The following NMUR1 variants were observed in gnomAD, a reference collection of about 807,000 sequenced individuals.
The protein encoded by NMUR1 is neuromedin U receptor 1.
In NMUR1, 16 loss-of-function variants were observed where a neutral mutation model predicts 18.8. That is an observed-to-expected ratio of 0.85 (90% CI 0.58 to 1.29). NMUR1 has a LOEUF of 1.29. Among genes scored for constraint, NMUR1 ranks in the 50% most tolerant of loss-of-function variants. The pLI is 0.00. For synonymous variants in NMUR1, 258 were observed against 258.2 expected (o/e 1.00, Z 0.01); for missense variants, 529 against 580.3 (o/e 0.91, Z 0.91).
At chr2:231,521,275 G>A (rs2125659220), downstream of NMUR1, among the ~76,000 whole-genome samples, 1 of 152,358 alleles carries the variant, frequency 6.6e-6, no homozygotes, top group Non-Finnish European at 1.5e-5. Context: ...TTGAGAGGCT[G>A]AGGTGGGAGG....
chr2:231,526,831 C>A (rs565703995), intron 2 of NMUR1, among the ~76,000 whole-genome samples: 1 of 151,944 alleles, frequency 6.6e-6, no homozygotes, highest in African/African-American at 2.4e-5. Flanking sequence ...GATCTTTGAT[C>A]GGCTTAGTAT....
chr2:231,520,199 G>A (rs2047293838), downstream of NMUR1, among the ~76,000 whole-genome samples: 1 of 152,238 alleles, frequency 6.6e-6, no homozygotes, highest in Non-Finnish European at 1.5e-5. Flanking sequence ...GGTTGCAAAT[G>A]ACTCCAGCCA....
chr2:231,527,973 G>GAC (rs57357206), intron 2 of NMUR1, 150 bp downstream of exon 2: 40,407 of 566,646 alleles, frequency 0.071, 590 homozygotes, highest in African/African-American at 0.096. Flanking sequence ...GTGCAACTCA[G>GAC]ACACACACAC....
rs1392976648 is a variant in NMUR1, at chr2:231,528,356, A to G, written c.665T>C (p.Val222Ala). ...CATGTTGTAGAGGGCCCGTGGGCGG[A>G]CCAGCATGCAAACAGCTGAGTCTGG... is the stretch of plus-strand genomic sequence containing the variant. ...PVPDSAVCML[V>A]RPRALYNMVV... Residue 222 changes from valine (V) to alanine (A), a missense_variant, in exon 2 of 3, where the codon GTC becomes GCC. Coordinates refer to ENST00000305141, the MANE Select transcript of NMUR1 (RefSeq NM_006056.5). 1.2e-6 allele frequency: 2 copies of G among 1,613,688 alleles called. No individual in the cohort carries two copies. The highest frequency in any genetic ancestry group is 4.5e-5 in the East Asian group (2 of 44,892).
At chr2:231,530,282 C>T in intron 1 of NMUR1, 77 bp downstream of exon 1, 6 of 1,480,802 alleles carry the variant, frequency 4.1e-6, no homozygotes, top group South Asian at 1.2e-5. Context: ...ACCCTTCCCG[C>T]CCTAGGACGA....
rs1455919317 is a variant in NMUR1, at chr2:231,525,077, C to T, written c.1247G>A (p.Gly416Asp). The T allele has an allele frequency of 6.3e-7, 1 of 1,599,382 alleles. No individual in the cohort carries two copies. Residue 416 changes from glycine to aspartate, a missense_variant, in exon 3 of 3, where the codon GGC (glycine) becomes GAC (aspartate). Transcript: ENST00000305141. ...ATCGGTCTCTTGCTGCGCCTCTGGG[C>T]CATCGTTCCCAGCCAGGGGGTGGAC... ...SWVHPLAGND[G>D]PEAQQETDPS
At position 231,528,251 on chromosome 2, in the gene NMUR1, C is replaced by T. The variant is rs1189327099; in HGVS notation, c.770G>A (p.Arg257Gln). The T allele has an allele frequency of 2.0e-5, 32 of 1,613,824 alleles. No homozygotes were observed. The highest frequency in any genetic ancestry group is 2.4e-5 in the Non-Finnish European group (28 of 1,179,976). ...GAGCAGCAGCCTCTCCCGCCGCAGT[C>T]GCAGCCCAATGAGCAGGTAGAGCAC... ...MSVLYLLIGLRLRRERLLLMQ... is the reference protein window; with the variant it reads ...MSVLYLLIGLQLRRERLLLMQ... Residue 257 changes from arginine to glutamine, a missense_variant, in exon 2 of 3, where the codon CGA becomes CAA. Transcript: ENST00000305141.
chr2:231,526,439 C>T lies in NMUR1; in HGVS notation c.899-1014G>A, dbSNP rs570315864. Among the ~76,000 whole-genome samples the T allele has an allele frequency of 1.1e-3, 161 of 152,308 alleles. 1 individual carries two copies. The highest frequency in any genetic ancestry group is 3.8e-3 in the African/African-American group (156 of 41,566). On this transcript the variant is annotated intron_variant, in intron 2 of 2. Coordinates refer to ENST00000305141, the MANE Select transcript of NMUR1 (RefSeq NM_006056.5). ...AGAAGGCCAGCAAGCAGGAAGCCCACCTTCCAGGGGTGAGCCACCCCAGCT... is the reference window on the plus strand; with the variant it reads ...AGAAGGCCAGCAAGCAGGAAGCCCATCTTCCAGGGGTGAGCCACCCCAGCT...
chr2:231,522,917 C>T (rs567158319), downstream of NMUR1, among the ~76,000 whole-genome samples: 15 of 152,300 alleles, frequency 9.8e-5, no homozygotes, highest in South Asian at 1.5e-3. Context: ...CTTCCTCCCC[C>T]GAGCCAGGGA....
chr2:231,528,510 A>C lies in NMUR1; in HGVS notation c.511T>G (p.Ser171Ala), dbSNP rs751947113. 2 of 1,613,718 alleles carry C rather than the reference A, an allele frequency of 1.2e-6. No homozygotes were observed. ...CGCACATGGGCCCGCGTCACCATGGACCTGGCCTGGAGTGGGTGCACCACG... is the reference window on the plus strand; with the variant it reads ...CGCACATGGGCCCGCGTCACCATGGCCCTGGCCTGGAGTGGGTGCACCACG... ...VAVVHPLQAR[S>A]MVTRAHVRRV... Residue 171 changes from serine to alanine, a missense_variant, in exon 2 of 3, where the codon TCC (serine) becomes GCC (alanine). By Grantham distance (99) the Ser-to-Ala change is moderately conservative (BLOSUM62 1). Transcript: ENST00000305141.
At chr2:231,529,479 A>G (rs1181395286) in intron 1 of NMUR1, among the ~76,000 whole-genome samples, 1 of 147,264 alleles carries the variant, frequency 6.8e-6, no homozygotes, top group East Asian at 2.0e-4. Context: ...AAAAGCAAAC[A>G]ACGAAAAAGT....
rs148682499 is a variant in NMUR1 at position 231,528,568 on chromosome 2, G to A, written c.453C>T (p.Asn151=). ...FEMVCLASVL[N]VTALSVERYV... is the part of the protein sequence containing the mutation. ...AGCGTTCCACGCTCAGGGCAGTGACGTTGAGCACTGAGGCCAGGCAGACCA... is the reference window on the plus strand; with the variant it reads ...AGCGTTCCACGCTCAGGGCAGTGACATTGAGCACTGAGGCCAGGCAGACCA... The change falls in exon 2 of 3, where the codon AAC becomes AAT. Residue 151 remains asparagine (N), a synonymous_variant. Coordinates refer to ENST00000305141, the MANE Select transcript of NMUR1 (RefSeq NM_006056.5). The A allele has an allele frequency of 4.5e-5, 73 of 1,614,108 alleles. No homozygotes were observed. The African/African-American group carries it at 6.0e-4, about 13-fold the overall frequency.
rs1303295688 is a variant in NMUR1, at chr2:231,525,268, G to A, written c.1056C>T (p.Asn352=). The A allele has an allele frequency of 2.2e-5, 35 of 1,614,080 alleles. No homozygotes were observed. Among genetic ancestry groups the A allele is most frequent in the Non-Finnish European group, 2.8e-5 (33 of 1,180,052 alleles). ...GIFFYLGSAA[N]PVLYSLMSSR... ...TGGACATGAGGCTATAGAGCACGGG[G>A]TTGGCCGCCGAGCCCAGGTAGAAGA... The change falls in exon 3 of 3, where the codon AAC becomes AAT. Residue 352 remains asparagine, a synonymous_variant. Coordinates refer to ENST00000305141, the MANE Select transcript of NMUR1 (RefSeq NM_006056.5).
chr2:231,528,016 C>T, intron 2 of NMUR1, 107 bp downstream of exon 2: 1 of 1,182,436 alleles, frequency 8.5e-7, no homozygotes, highest in African/African-American at 1.5e-5. Flanking sequence ...AGAGGAGTTC[C>T]TCGTCCCCCA....
At chr2:231,521,047 A>G (rs2047300072), downstream of NMUR1, among the ~76,000 whole-genome samples, 1 of 152,176 alleles carries the variant, frequency 6.6e-6, no homozygotes, top group Non-Finnish European at 1.5e-5. Flanking sequence ...ATTGGGAGAA[A>G]GCCGTCTAGA....
chr2:231,529,945 T>C (rs187678972), intron 1 of NMUR1, among the ~76,000 whole-genome samples: 64 of 152,368 alleles, frequency 4.2e-4, no homozygotes, highest in African/African-American at 9.4e-4. Flanking sequence ...AAGTTGATTC[T>C]TTTTTCTGTT....
downstream of NMUR1, among the ~76,000 whole-genome samples, chr2:231,518,869 C>T (rs973070680): frequency 5.9e-5 from 9 of 152,162 alleles, no homozygotes; most frequent in Admixed American, 3.3e-4. Context: ...CCTTTAGGCT[C>T]TCCACCTCCT....
chr2:231,521,973 CTTTTTTT>C (rs10625236), downstream of NMUR1, among the ~76,000 whole-genome samples: 6 of 83,828 alleles, frequency 7.2e-5, no homozygotes, highest in African/African-American at 1.9e-4. Context: ...TTTTTTTTCT[CTTTTTTT>C]TTTTTTTTTT....
Position 231,528,111 on chromosome 2 carries a change from C to A in NMUR1, c.898+12G>T. On this transcript the variant is annotated intron_variant, in intron 2 of 2. Transcript: ENST00000305141. ...GCCTGGCTCAGCCCCTCTTCCCAGC[C>A]GTGACACTTACACAGCATCTTGGTC... is the stretch of plus-strand genomic sequence containing the variant. The A allele has an allele frequency of 6.5e-7, 1 of 1,529,964 alleles. No individual in the cohort carries two copies. Among genetic ancestry groups the A allele is most frequent in the Non-Finnish European group, 8.8e-7 (1 of 1,137,604 alleles). The allele number at this position is 1,529,964 out of a possible 1,614,324, so 94.8% of individuals were successfully genotyped here.
Sources: gnomAD v4.1 joint callset for allele counts (sites outside exome capture counted in the v4.1 genomes callset) on GRCh38, gnomAD v4.1.1 for gene constraint, MANE v1.5 for transcripts, NCBI Gene and HGNC (gene_info 2026-07-23, HGNC 2026-07-21) for gene names.